Variants in MSRA observed in about 807,000 individuals in gnomAD.
MSRA encodes methionine sulfoxide reductase A.
A neutral mutation model predicts 31.3 loss-of-function variants in MSRA; 54 were observed. That is an observed-to-expected ratio of 1.73 (90% CI 1.39 to 2.17). MSRA has a LOEUF of 2.17. Among genes scored for constraint, MSRA ranks in the 30% most tolerant of loss-of-function variants. The pLI, the probability that MSRA is intolerant of heterozygous loss-of-function variation, is 0.00. For synonymous variants in MSRA, 169 were observed against 116.5 expected (o/e 1.45, Z -2.90); for missense variants, 507 against 300.9 (o/e 1.69, Z -5.07).
intron 5 of MSRA, among the ~76,000 whole-genome samples, chr8:10,402,790 T>A (rs1482198153): frequency 6.6e-6 from 1 of 152,230 alleles, no homozygotes; most frequent in African/African-American, 2.4e-5. Flanking sequence ...AGTTATTTGC[T>A]TTGCAATGTG....
At chr8:10,413,258 A>C (rs1808262069) in intron 5 of MSRA, among the ~76,000 whole-genome samples, 1 of 152,228 alleles carries the variant, frequency 6.6e-6, no homozygotes, top group Non-Finnish European at 1.5e-5. Flanking sequence ...CAGCAAAGGT[A>C]GGAGTCTGGT....
chr8:10,373,886 C>T (rs1805613473), intron 5 of MSRA, among the ~76,000 whole-genome samples: 1 of 152,192 alleles, frequency 6.6e-6, no homozygotes, highest in South Asian at 2.1e-4. Context: ...CTGTACAGAT[C>T]TCTGAAGTGA....
At chr8:10,260,514 C>T (rs545190070) in intron 3 of MSRA, among the ~76,000 whole-genome samples, 12 of 152,138 alleles carry the variant, frequency 7.9e-5, no homozygotes, top group Admixed American at 3.9e-4. Flanking sequence ...GGACTGGTCA[C>T]GTAGCCTGGA....
intron 3 of MSRA, among the ~76,000 whole-genome samples, chr8:10,275,025 A>C (rs971035960): frequency 2.0e-5 from 3 of 151,698 alleles, no homozygotes; most frequent in Non-Finnish European, 4.4e-5. Context: ...TGATATTAAT[A>C]TTGGAATTAA....
chr8:10,315,901 C>T (rs1454186255), intron 4 of MSRA, among the ~76,000 whole-genome samples: 4 of 152,188 alleles, frequency 2.6e-5, no homozygotes, highest in Non-Finnish European at 5.9e-5. Context: ...TAGAATTTCC[C>T]TTTTACACAA....
intron 5 of MSRA, chr8:10,353,860 T>C (rs1333841757): frequency 9.9e-6 from 2 of 201,456 alleles, no homozygotes; most frequent in Non-Finnish European, 2.0e-5. Context: ...TGTAGGAAAC[T>C]TTACATTTCA....
At chr8:10,416,080 G>A (rs1808442392) in intron 5 of MSRA, among the ~76,000 whole-genome samples, 1 of 152,100 alleles carries the variant, frequency 6.6e-6, no homozygotes, top group Admixed American at 6.5e-5. Context: ...AACTTCTCCT[G>A]CCTGAGCCTG....
chr8:10,137,161 C>T lies in MSRA; in HGVS notation c.143-70672C>T, dbSNP rs144653335. Among the ~76,000 whole-genome samples, 304 of 152,264 alleles carry T rather than the reference C, an allele frequency of 2.0e-3. 2 individuals are homozygous for T. Among genetic ancestry groups the T allele is most frequent in the African/African-American group, 6.9e-3 (288 of 41,546 alleles). ...TGCTTTGCTGGGACGATGGGTGGCT[C>T]GCCCAGCAAATCATCATTGGAGCCT... is the stretch of plus-strand genomic sequence containing the variant. On this transcript the variant is annotated intron_variant, in intron 1 of 5. Coordinates refer to ENST00000317173, the MANE Select transcript of MSRA (RefSeq NM_012331.5).
chr8:10,207,294 G>T (rs1430621766), intron 1 of MSRA, among the ~76,000 whole-genome samples: 2 of 152,182 alleles, frequency 1.3e-5, no homozygotes, highest in Non-Finnish European at 2.9e-5. Context: ...GGCTCTTAAG[G>T]AGGCTGGTGT....
chr8:10,243,901 T>G (rs1308696744), intron 2 of MSRA, among the ~76,000 whole-genome samples: 2 of 152,232 alleles, frequency 1.3e-5, no homozygotes, highest in African/African-American at 4.8e-5. Context: ...TTATTTGGCC[T>G]TATATTTTTA....
At chr8:10,090,213 A>C (rs1437213450) in intron 1 of MSRA, among the ~76,000 whole-genome samples, 2 of 152,142 alleles carry the variant, frequency 1.3e-5, no homozygotes, top group African/African-American at 4.8e-5. Flanking sequence ...GGAAGACAAA[A>C]ATGACTGGGT....
At chr8:10,237,850 C>T (rs953619941) in intron 2 of MSRA, among the ~76,000 whole-genome samples, 1 of 152,210 alleles carries the variant, frequency 6.6e-6, no homozygotes, top group Non-Finnish European at 1.5e-5. Context: ...TTGGTCTAAA[C>T]CACCATTATC....
rs59215169 is a variant in MSRA, at chr8:10,193,880, A to T, written c.143-13953A>T. ...ATCTCTAGTAAGGGCAGGATTTTTT[A>T]AAAAAAATCTACCCACTTATTGAAA... is the stretch of plus-strand genomic sequence containing the variant. On this transcript the variant is annotated intron_variant, in intron 1 of 5. Coordinates refer to ENST00000317173, the MANE Select transcript of MSRA (RefSeq NM_012331.5). Among the ~76,000 whole-genome samples the T allele has an allele frequency of 4.1e-3, 617 of 152,180 alleles. 7 individuals carry two copies. The highest frequency in any genetic ancestry group is 0.012 in the African/African-American group (505 of 41,518).
At chr8:10,308,947 C>T (rs1438884961) in intron 4 of MSRA, among the ~76,000 whole-genome samples, 1 of 152,174 alleles carries the variant, frequency 6.6e-6, no homozygotes, top group Non-Finnish European at 1.5e-5. Context: ...AAGACTGGCC[C>T]CTAAGGGGTG....
chr8:10,174,251 A>T (rs563267474), intron 1 of MSRA, among the ~76,000 whole-genome samples: 21 of 152,098 alleles, frequency 1.4e-4, no homozygotes, highest in Non-Finnish European at 2.5e-4. Flanking sequence ...CCAACTTTGT[A>T]AAGAGAGAGA....
intron 1 of MSRA, among the ~76,000 whole-genome samples, chr8:10,074,548 G>C (rs1387831782): frequency 6.6e-6 from 1 of 152,126 alleles, no homozygotes; most frequent in Non-Finnish European, 1.5e-5. Context: ...ATTATTAATT[G>C]ATAGAGATAT....
In MSRA at chr8:10,422,617, G is replaced by C. The variant is rs540557850; in HGVS notation, c.544-5531G>C. On this transcript the variant is annotated intron_variant, in intron 5 of 5. Coordinates refer to ENST00000317173, the MANE Select transcript of MSRA (RefSeq NM_012331.5). Reference sequence around the variant, plus strand: ...ACACAAAAAAATGCCACAAGCAAAAGTCAAGATACTTGGAGTCAGTAAGAG... The same window carrying C: ...ACACAAAAAAATGCCACAAGCAAAACTCAAGATACTTGGAGTCAGTAAGAG... Among the ~76,000 whole-genome samples, 14 of 152,312 alleles carry C rather than the reference G, an allele frequency of 9.2e-5. No homozygotes were observed. In the South Asian group the frequency reaches 1.0e-3, roughly 11 times the overall value.
At chr8:10,278,447 C>T (rs1799441303) in intron 3 of MSRA, among the ~76,000 whole-genome samples, 1 of 152,212 alleles carries the variant, frequency 6.6e-6, no homozygotes, top group African/African-American at 2.4e-5. Context: ...TGGCTTTCCT[C>T]ACGTGGCAAT....
At chr8:10,398,876 G>A (rs1337304137) in intron 5 of MSRA, among the ~76,000 whole-genome samples, 1 of 152,180 alleles carries the variant, frequency 6.6e-6, no homozygotes, top group Non-Finnish European at 1.5e-5. Flanking sequence ...TTTGAAAATA[G>A]CATTAGGAGT....
Sources: gnomAD v4.1 joint callset for allele counts (sites outside exome capture counted in the v4.1 genomes callset) on GRCh38, gnomAD v4.1.1 for gene constraint, MANE v1.5 for transcripts, NCBI Gene and HGNC (gene_info 2026-07-23, HGNC 2026-07-21) for gene names.